The following ARHGEF38 variants were observed in gnomAD, a reference collection of about 807,000 sequenced individuals.
ARHGEF38 encodes Rho guanine nucleotide exchange factor (GEF) 38.
In ARHGEF38, 79 loss-of-function variants were observed where a neutral mutation model predicts 79.9. The ratio of observed to expected loss-of-function variants is 0.99; its 90% CI spans 0.82 to 1.19. The LOEUF (loss-of-function observed/expected upper bound fraction) is 1.19. ARHGEF38 is among the 50% of genes most tolerant of loss of function. The probability of loss-of-function intolerance (pLI) is 0.00; values close to 1 mark genes in which losing one functional copy is unlikely to be tolerated. For missense variants in ARHGEF38, 962 were observed against 907.2 expected, an observed-to-expected ratio of 1.06 and a Z score of -0.78; for synonymous variants, 366 against 328.3, an observed-to-expected ratio of 1.11 and a Z score of -1.24.
intron 13 of ARHGEF38, among the ~76,000 whole-genome samples, chr4:105,669,861 C>T (rs1371871364): frequency 3.9e-5 from 6 of 152,156 alleles, no homozygotes; most frequent in Non-Finnish European, 5.9e-5. Context: ...TTTGCCTTTT[C>T]TGTATCTTTT....
At position 105,552,740 on chromosome 4, in the gene ARHGEF38, G is replaced by A. The variant is rs1396384624; in HGVS notation, c.-26G>A. 2 of 1,576,966 alleles carry A rather than the reference G, an allele frequency of 1.3e-6. No homozygotes were observed. Among genetic ancestry groups the A allele is most frequent in the East Asian group, 2.2e-5 (1 of 44,460 alleles). ...CTTAGCAATCAGCCATTGCCTGCAA[G>A]CCTCCAAAGCTTGTCTTTGCCTAAT... On this transcript the variant is annotated 5_prime_UTR_variant, in exon 1 of 14. Coordinates refer to ENST00000420470, the MANE Select transcript of ARHGEF38 (RefSeq NM_001242729.2).
At chr4:105,620,597 T>C (rs1008214477) in intron 3 of ARHGEF38, among the ~76,000 whole-genome samples, 26 of 152,194 alleles carry the variant, frequency 1.7e-4, no homozygotes, top group Non-Finnish European at 5.9e-5. Context: ...CCTGATCATG[T>C]TTTTCAAACA....
chr4:105,585,817 C>T (rs569662836), intron 1 of ARHGEF38, among the ~76,000 whole-genome samples: 11 of 131,468 alleles, frequency 8.4e-5, no homozygotes, highest in East Asian at 7.8e-4. Context: ...CTGCAATCTC[C>T]GCCTGGTGGG....
intron 5 of ARHGEF38, 22 bp from the exon 6 acceptor site, chr4:105,645,166 A>T: frequency 7.5e-7 from 1 of 1,336,772 alleles, no homozygotes; most frequent in South Asian, 2.1e-5. Context: ...TGTGAAACTG[A>T]TATTATTTAT....
intron 1 of ARHGEF38, among the ~76,000 whole-genome samples, chr4:105,564,176 T>C (rs1725773388): frequency 6.6e-6 from 1 of 152,216 alleles, no homozygotes; most frequent in African/African-American, 2.4e-5. Flanking sequence ...GACAATCTAT[T>C]GTGCAAAGAA....
chr4:105,628,833 G>A (rs1310610683), intron 3 of ARHGEF38, among the ~76,000 whole-genome samples: 1 of 152,114 alleles, frequency 6.6e-6, no homozygotes, highest in South Asian at 2.1e-4. Flanking sequence ...TTTATTGGCT[G>A]TAAATAAATT....
chr4:105,666,389 A>G (rs915059541), intron 11 of ARHGEF38, 69 bp downstream of exon 11: 1 of 1,396,806 alleles, frequency 7.2e-7, no homozygotes, highest in Middle Eastern at 1.8e-4. Context: ...GTAGTATCAT[A>G]TTATTTTCCA....
chr4:105,657,040 AGATAGATAGAT>A lies in ARHGEF38; in HGVS notation c.1233+1330_1233+1340del, dbSNP rs939471741. Among the ~76,000 whole-genome samples the A allele has an allele frequency of 5.9e-5, 9 of 152,016 alleles. No homozygotes were observed. The East Asian group carries it at 1.3e-3, about 23-fold the overall frequency. Reference sequence around the variant, plus strand: ...TGAGATAGATAGATGATAGATAGATAGATAGATAGATGATAGATAGATAGATAGATAGATAG... The same window carrying A: ...TGAGATAGATAGATGATAGATAGATAGATAGATAGATAGATAGATAGATAG... On this transcript the variant is annotated intron_variant, in intron 9 of 13. Coordinates refer to ENST00000420470, the MANE Select transcript of ARHGEF38 (RefSeq NM_001242729.2).
chr4:105,553,089 TAAG>T (rs762997352), intron 1 of ARHGEF38, 128 bp downstream of exon 1: 1 of 680,964 alleles, frequency 1.5e-6, no homozygotes, highest in Non-Finnish European at 2.3e-6. Context: ...TCCCACAAAA[TAAG>T]AAGATGAAAG....
At chr4:105,622,711 T>C (rs553904392) in intron 3 of ARHGEF38, among the ~76,000 whole-genome samples, 6 of 152,352 alleles carry the variant, frequency 3.9e-5, no homozygotes, top group East Asian at 1.9e-4. Context: ...GCTTTTGATA[T>C]CATCCCTTAG....
intron 8 of ARHGEF38, 144 bp from the exon 9 acceptor site, chr4:105,655,459 G>T: frequency 2.4e-6 from 2 of 828,936 alleles, no homozygotes; most frequent in South Asian, 4.2e-5. Context: ...ATTGTACAGA[G>T]CATTTATAAA....
intron 4 of ARHGEF38, chr4:105,631,327 T>G: frequency 9.5e-7 from 1 of 1,053,752 alleles, no homozygotes; most frequent in Non-Finnish European, 1.1e-6. Context: ...GAAAAGCCTC[T>G]TCTTAAAGCT....
intron 7 of ARHGEF38, among the ~76,000 whole-genome samples, chr4:105,653,260 G>A (rs777702085): frequency 7.9e-5 from 12 of 151,618 alleles, no homozygotes; most frequent in Admixed American, 2.6e-4. Flanking sequence ...TTAACAGAAG[G>A]ACTATTTTTG....
chr4:105,562,029 TG>T (rs1394360650), intron 1 of ARHGEF38, among the ~76,000 whole-genome samples: 17 of 152,316 alleles, frequency 1.1e-4, no homozygotes, highest in Admixed American at 1.0e-3. Context: ...CTGTCTCTGA[TG>T]ATGAGAATAT....
rs202074476 is a variant in ARHGEF38 at position 105,629,057 on chromosome 4, T to TA, written c.509-1833dup. Among the ~76,000 whole-genome samples the TA allele has an allele frequency of 1.9e-4, 29 of 151,934 alleles. No individual in the cohort carries two copies. In the East Asian group the frequency reaches 3.7e-3, roughly 19 times the overall value. ...GCACTAAGACTCAAATAATTTATTTTAAAAAAAATCATTCTCCGATTGTAT... is the reference window on the plus strand; with the variant it reads ...GCACTAAGACTCAAATAATTTATTTTAAAAAAAAATCATTCTCCGATTGTAT... On this transcript the variant is annotated intron_variant, in intron 3 of 13. Transcript: ENST00000420470.
intron 13 of ARHGEF38, among the ~76,000 whole-genome samples, chr4:105,676,576 A>G (rs1008800217): frequency 6.6e-5 from 10 of 152,230 alleles, no homozygotes; most frequent in African/African-American, 2.4e-4. Context: ...ATTTTATGCC[A>G]TAACTAAACA....
chr4:105,606,169 A>AATT (rs1728030278), intron 2 of ARHGEF38, among the ~76,000 whole-genome samples: 1 of 152,136 alleles, frequency 6.6e-6, no homozygotes, highest in Non-Finnish European at 1.5e-5. Flanking sequence ...TAATGTAATT[A>AATT]CTACATAAGT....
chr4:105,606,423 G>A (rs1004916013), intron 2 of ARHGEF38, among the ~76,000 whole-genome samples: 1 of 151,988 alleles, frequency 6.6e-6, no homozygotes, highest in Admixed American at 6.6e-5. Context: ...ATCAAATTAA[G>A]AGCCCAAAAA....
At chr4:105,631,472 A>T (rs1305775934) in intron 4 of ARHGEF38, 2 of 985,706 alleles carry the variant, frequency 2.0e-6, no homozygotes, top group African/African-American at 3.5e-5. Flanking sequence ...CTTTCCCCAA[A>T]CTCACTGTGG....
Sources: gnomAD v4.1 joint callset for allele counts (sites outside exome capture counted in the v4.1 genomes callset) on GRCh38, gnomAD v4.1.1 for gene constraint, MANE v1.5 for transcripts, NCBI Gene and HGNC (gene_info 2026-07-23, HGNC 2026-07-21) for gene names.